Variants in TRDN observed in about 807,000 individuals in gnomAD.
TRDN encodes the protein triadin.
Under a neutral mutation model 149.7 loss-of-function variants are expected in TRDN, and 161 were observed. The ratio of observed to expected loss-of-function variants is 1.08; its 90% CI spans 0.95 to 1.23. TRDN has a LOEUF of 1.23. Among genes scored for constraint, TRDN ranks in the 50% most tolerant of loss-of-function variants. The pLI is 0.00. For missense variants in TRDN, 896 were observed against 823.5 expected (o/e 1.09, Z -1.08); for synonymous variants, 294 against 250.5 (o/e 1.17, Z -1.64).
intron 32 of TRDN, among the ~76,000 whole-genome samples, chr6:123,266,157 ATTATAATAT>A (rs1776949917): frequency 6.0e-5 from 6 of 99,586 alleles, no homozygotes; most frequent in Admixed American, 3.3e-4. Context: ...TATTATATAT[ATTATAATAT>A]GTATTATATA....
chr6:123,584,611 A>G (rs972905580), intron 1 of TRDN, among the ~76,000 whole-genome samples: 3 of 152,086 alleles, frequency 2.0e-5, no homozygotes, highest in Non-Finnish European at 2.9e-5. Flanking sequence ...GTAACAGATG[A>G]GGATGAAATT....
chr6:123,628,558 G>A (rs557520934), intron 1 of TRDN, among the ~76,000 whole-genome samples: 3 of 152,050 alleles, frequency 2.0e-5, no homozygotes, highest in South Asian at 2.1e-4. Flanking sequence ...GGAAATGAAC[G>A]CATGCTGTTG....
At chr6:123,309,982 G>T (rs1330477437) in intron 24 of TRDN, among the ~76,000 whole-genome samples, 1 of 152,010 alleles carries the variant, frequency 6.6e-6, no homozygotes, top group Non-Finnish European at 1.5e-5. Flanking sequence ...ATAACTGAAT[G>T]AAATTAACTA....
intron 12 of TRDN, among the ~76,000 whole-genome samples, chr6:123,432,742 G>A (rs534102153): frequency 1.4e-5 from 2 of 147,644 alleles, no homozygotes; most frequent in Non-Finnish European, 3.0e-5. Context: ...TTCTGCCCTC[G>A]TAAAACAAAC....
At chr6:123,376,693 T>C (rs1026097657) in intron 18 of TRDN, among the ~76,000 whole-genome samples, 9 of 152,168 alleles carry the variant, frequency 5.9e-5, no homozygotes, top group African/African-American at 2.2e-4. Flanking sequence ...CAGGATATTT[T>C]ATAATCTTTA....
chr6:123,262,511 T>A (rs909554415), intron 33 of TRDN, among the ~76,000 whole-genome samples: 1 of 152,088 alleles, frequency 6.6e-6, no homozygotes, highest in Admixed American at 6.6e-5. Context: ...TGGTCCAGTG[T>A]CATAGACCTA....
intron 9 of TRDN, among the ~76,000 whole-genome samples, chr6:123,477,540 C>T (rs1777548137): frequency 6.8e-6 from 1 of 148,000 alleles, no homozygotes; most frequent in Non-Finnish European, 1.5e-5. Context: ...TACCATTTGA[C>T]CCAGCCATCC....
At chr6:123,580,123 G>A (rs1345878379) in intron 1 of TRDN, among the ~76,000 whole-genome samples, 3 of 152,150 alleles carry the variant, frequency 2.0e-5, no homozygotes, top group Non-Finnish European at 4.4e-5. Flanking sequence ...GAATTCAGCT[G>A]TGAATCTATC....
intron 1 of TRDN, among the ~76,000 whole-genome samples, chr6:123,601,305 T>C (rs578066654): frequency 1.1e-4 from 16 of 152,122 alleles, no homozygotes; most frequent in Non-Finnish European, 1.3e-4. Flanking sequence ...CAACTTTCTA[T>C]GAACAGCATA....
At chr6:123,239,568 G>A (rs1438987737) in intron 38 of TRDN, among the ~76,000 whole-genome samples, 1 of 151,924 alleles carries the variant, frequency 6.6e-6, no homozygotes, top group African/African-American at 2.4e-5. Flanking sequence ...CAATTAAATT[G>A]GAGTTCGGTT....
Position 123,559,658 on chromosome 6 carries a change from A to G in TRDN, c.233-11046T>C, listed in dbSNP as rs1008023230. ...TGCTTTGAAAGGATTAAAGCCTGTT[A>G]TCTCTCGCCTGCTACAGCATGGCTT... On this transcript the variant is annotated intron_variant, in intron 2 of 40. Transcript: ENST00000334268. Among the ~76,000 whole-genome samples the G allele has an allele frequency of 1.7e-4, 26 of 152,286 alleles. 1 individual carries two copies. The highest frequency in any genetic ancestry group is 6.0e-4 in the African/African-American group (25 of 41,554).
intron 38 of TRDN, among the ~76,000 whole-genome samples, chr6:123,229,970 T>A: frequency 6.6e-6 from 1 of 152,018 alleles, no homozygotes; most frequent in Non-Finnish European, 1.5e-5. Flanking sequence ...ACTTTTTTCT[T>A]CACAGAATTC....
At chr6:123,241,606 T>C (rs1202574606) in intron 38 of TRDN, among the ~76,000 whole-genome samples, 2 of 151,422 alleles carry the variant, frequency 1.3e-5, no homozygotes, top group African/African-American at 4.8e-5. Flanking sequence ...TTTTGAAAAA[T>C]CACAAAAGTA....
chr6:123,572,637 GAAGT>G (rs1782641709), intron 1 of TRDN, among the ~76,000 whole-genome samples: 2 of 152,056 alleles, frequency 1.3e-5, no homozygotes, highest in Non-Finnish European at 1.5e-5. Flanking sequence ...ATACAGATGT[GAAGT>G]AAGTAATTGA....
At chr6:123,628,002 T>C (rs898649548) in intron 1 of TRDN, among the ~76,000 whole-genome samples, 18 of 152,194 alleles carry the variant, frequency 1.2e-4, no homozygotes, top group African/African-American at 4.1e-4. Flanking sequence ...GCTGGTTGGA[T>C]CTTCTATCCA....
At chr6:123,303,354 T>C (rs1260777054) in intron 24 of TRDN, among the ~76,000 whole-genome samples, 1 of 152,150 alleles carries the variant, frequency 6.6e-6, no homozygotes, top group African/African-American at 2.4e-5. Flanking sequence ...TATAGTGGCT[T>C]TTGAAATATT....
chr6:123,309,350 C>T (rs972056196), intron 24 of TRDN, among the ~76,000 whole-genome samples: 1 of 151,912 alleles, frequency 6.6e-6, no homozygotes, highest in Non-Finnish European at 1.5e-5. Flanking sequence ...TCATTCCTGT[C>T]TCTAGGCTAG....
intron 4 of TRDN, among the ~76,000 whole-genome samples, chr6:123,538,741 G>A (rs946693625): frequency 5.9e-5 from 9 of 152,174 alleles, no homozygotes; most frequent in Non-Finnish European, 1.0e-4. Flanking sequence ...ATTCAACACT[G>A]TATACTAATG....
chr6:123,461,981 T>A (rs1776475006), intron 10 of TRDN, among the ~76,000 whole-genome samples: 1 of 152,136 alleles, frequency 6.6e-6, no homozygotes, highest in Admixed American at 6.6e-5. Context: ...GCTTAAAAGA[T>A]GAGAATTAAT....
Sources: allele counts gnomAD v4.1 joint callset (sites outside exome capture counted in the v4.1 genomes callset), GRCh38; gene constraint gnomAD v4.1.1; transcripts MANE v1.5; gene names NCBI Gene and HGNC (gene_info 2026-07-23, HGNC 2026-07-21).